The following ZNG1B variants were observed in gnomAD, a reference collection of about 807,000 sequenced individuals.
The protein encoded by ZNG1B is Zn regulated GTPase metalloprotein activator 1B.
the ZNG1B span, among the ~76,000 whole-genome samples, chr2:113,443,415 T>C: frequency 1.3e-5 from 2 of 151,834 alleles, no homozygotes; most frequent in Admixed American, 1.3e-4. Flanking sequence ...AAATCCAGTA[T>C]ATAAAACATA....
chr2:113,438,413 A>G, the ZNG1B span, among the ~76,000 whole-genome samples: 1 of 152,098 alleles, frequency 6.6e-6, no homozygotes, highest in Non-Finnish European at 1.5e-5. Flanking sequence ...ACCTGTTGCC[A>G]TTAAAGGATG....
the ZNG1B span, among the ~76,000 whole-genome samples, chr2:113,483,483 G>A: frequency 4.7e-5 from 7 of 149,798 alleles, no homozygotes; most frequent in East Asian, 1.9e-4. Context: ...AATCAGAATC[G>A]CATGTGGAGC....
At chr2:113,459,575 T>TC in the ZNG1B span, among the ~76,000 whole-genome samples, 1 of 151,786 alleles carries the variant, frequency 6.6e-6, no homozygotes, top group Non-Finnish European at 1.5e-5. Context: ...GTATATAAAA[T>TC]ATAGTATCCT....
the ZNG1B span, among the ~76,000 whole-genome samples, chr2:113,479,957 G>GCAC: frequency 6.6e-6 from 1 of 151,884 alleles, no homozygotes; most frequent in Non-Finnish European, 1.5e-5. Context: ...GAGTAGCTGG[G>GCAC]ACTATAGGCA....
At chr2:113,464,600 G>T in the ZNG1B span, among the ~76,000 whole-genome samples, 2 of 151,222 alleles carry the variant, frequency 1.3e-5, no homozygotes, top group African/African-American at 2.4e-5. Context: ...CCTAATTAGG[G>T]AACTGACGAG....
the ZNG1B span, among the ~76,000 whole-genome samples, chr2:113,461,167 C>T: frequency 2.8e-4 from 42 of 150,970 alleles, no homozygotes; most frequent in South Asian, 8.1e-3. Flanking sequence ...CTGCCTCAGC[C>T]TCCCAAGTAG....
the ZNG1B span, chr2:113,465,833 A>C: frequency 3.1e-6 from 3 of 976,048 alleles, no homozygotes; most frequent in African/African-American, 5.5e-5. Context: ...TGAGGCTCAC[A>C]GCTGGCAGTC....
At chr2:113,486,610 G>A in the ZNG1B span, among the ~76,000 whole-genome samples, 2 of 152,090 alleles carry the variant, frequency 1.3e-5, no homozygotes, top group African/African-American at 2.4e-5. Flanking sequence ...CAAAAAATTA[G>A]CCAGGCATGG....
At chr2:113,458,213 A>G in the ZNG1B span, among the ~76,000 whole-genome samples, 1 of 152,144 alleles carries the variant, frequency 6.6e-6, no homozygotes, top group Non-Finnish European at 1.5e-5. Context: ...CAAATGGTAT[A>G]TAATGTATTA....
chr2:113,466,252 C>T, the ZNG1B span: 1 of 897,142 alleles, frequency 1.1e-6, no homozygotes, highest in Non-Finnish European at 1.3e-6. Flanking sequence ...AAATGTCACA[C>T]AGACAAGTGC....
the ZNG1B span, among the ~76,000 whole-genome samples, chr2:113,474,123 CT>C: frequency 6.6e-6 from 1 of 151,660 alleles, no homozygotes; most frequent in African/African-American, 2.4e-5. Context: ...GTCCTGGACT[CT>C]TTTTGGTTGG....
chr2:113,440,179 C>T, the ZNG1B span, among the ~76,000 whole-genome samples: 3 of 152,082 alleles, frequency 2.0e-5, no homozygotes, highest in African/African-American at 7.2e-5. Context: ...CCACCGCGCC[C>T]GGCCCCCTTA....
At chr2:113,457,071 A>G in the ZNG1B span, 1 of 454,704 alleles carries the variant, frequency 2.2e-6, no homozygotes, top group South Asian at 1.6e-5. Context: ...ATAGGCAAAG[A>G]ATTGGACAAC....
the ZNG1B span, among the ~76,000 whole-genome samples, chr2:113,475,317 C>T: frequency 4.6e-5 from 7 of 152,022 alleles, no homozygotes; most frequent in African/African-American, 1.7e-4. Flanking sequence ...GCAACCCCTG[C>T]CTTGTTTTGT....
chr2:113,475,098 C>T, the ZNG1B span, among the ~76,000 whole-genome samples: 1 of 148,838 alleles, frequency 6.7e-6, no homozygotes, highest in Non-Finnish European at 1.5e-5. Context: ...GTGTTAAAGT[C>T]TCCCATTATT....
chr2:113,490,538 A>G, the ZNG1B span, among the ~76,000 whole-genome samples: 2 of 152,188 alleles, frequency 1.3e-5, no homozygotes, highest in African/African-American at 4.8e-5. Flanking sequence ...GATAAATGAA[A>G]CAAAAAGCTG....
chr2:113,484,563 T>G, the ZNG1B span, among the ~76,000 whole-genome samples: 7 of 152,246 alleles, frequency 4.6e-5, no homozygotes, highest in Admixed American at 3.9e-4. Context: ...TTTGTTTGTT[T>G]TGGTTTTGGT....
At chr2:113,446,562 C>T in the ZNG1B span, among the ~76,000 whole-genome samples, 15 of 151,944 alleles carry the variant, frequency 9.9e-5, no homozygotes, top group African/African-American at 3.6e-4. Context: ...GCCTAGCCAA[C>T]ATGGTGAAAT....
chr2:113,445,051 C>A, the ZNG1B span: 1 of 1,609,432 alleles, frequency 6.2e-7, no homozygotes, highest in Non-Finnish European at 8.5e-7. Flanking sequence ...GATTGGCAGA[C>A]CCAGGTAAGA....
Sources: gnomAD v4.1 joint callset for allele counts (sites outside exome capture counted in the v4.1 genomes callset) on GRCh38, gnomAD v4.1.1 for gene constraint, MANE v1.5 for transcripts, NCBI Gene and HGNC (gene_info 2026-07-23, HGNC 2026-07-21) for gene names.